Variants in ZNF99 observed in about 807,000 individuals in gnomAD.
ZNF99 encodes zinc finger protein ENSP00000375192.
In ZNF99, 8 loss-of-function variants were observed where a neutral mutation model predicts 12.8. The observed-to-expected ratio is 0.62, with a 90% CI of 0.37 to 1.13. ZNF99 has a LOEUF of 1.13. ZNF99 is among the 50% of genes most tolerant of loss of function. ZNF99 has a pLI of 0.02. For missense variants in ZNF99, 1,007 were observed against 1,006.2 expected (o/e 1.00, Z -0.01); for synonymous variants, 318 against 319.0 (o/e 1.00, Z 0.03).
At chr19:22,763,903 C>CTTTTTTTTTTTTTT (rs1349512561) in intron 3 of ZNF99, among the ~76,000 whole-genome samples, 20 of 126,224 alleles carry the variant, frequency 1.6e-4, no homozygotes, top group South Asian at 2.4e-4. Context: ...TTTTTTCTTT[C>CTTTTTTTTTTTTTT]CTTTTTTTTT....
In ZNF99 at chr19:22,756,214, C is replaced by T; in HGVS notation, c.*1100G>A. The T allele has an allele frequency of 6.4e-7, 1 of 1,564,052 alleles. No homozygotes were observed. The highest frequency in any genetic ancestry group is 8.7e-7 in the Non-Finnish European group (1 of 1,153,510). On this transcript the variant is annotated 3_prime_UTR_variant, in exon 4 of 4. Coordinates refer to ENST00000596209, the MANE Select transcript of ZNF99 (RefSeq NM_001080409.3). The stretch of plus-strand genomic sequence containing the variant: ...CACATTCTTCACATTTTTAGGGCTT[C>T]TCCCCAGTATGAATTATCTTATGTT...
rs927945263 is a variant in ZNF99, at chr19:22,752,212, C to T, written c.*5102G>A. 10 of 151,488 alleles carry T rather than the reference C, an allele frequency of 6.6e-5. No homozygotes were observed. Among genetic ancestry groups the T allele is most frequent in the Non-Finnish European group, 1.2e-4 (8 of 67,956 alleles). The allele number at this position is 151,488 out of a possible 1,614,324, so 9.4% of individuals were successfully genotyped here. ...ATATGTATAGATTTTATTTACATTC[C>T]TATATGATTTTTATTATGACCACAA... On this transcript the variant is annotated 3_prime_UTR_variant, in exon 4 of 4. Transcript: ENST00000596209.
At chr19:22,778,143 C>A (rs1480377083) in intron 1 of ZNF99, among the ~76,000 whole-genome samples, 2 of 145,938 alleles carry the variant, frequency 1.4e-5, no homozygotes, top group Admixed American at 6.8e-5. Flanking sequence ...GCACATGTAT[C>A]CTAGAACTTA....
In ZNF99 at chr19:22,758,124, A is replaced by G. The variant is rs948656982; in HGVS notation, c.1785T>C (p.Cys595=). The change falls in exon 4 of 4, where the codon TGT becomes TGC. Residue 595 remains cysteine, a synonymous_variant. Transcript: ENST00000596209. ...AIHTGEKPYK[C]EECGKAFNHF... Reference sequence around the variant, plus strand: ...GGTTAAAAGCTTTGCCACATTCTTCACATTTGTAGGGTTTCTCCCCAGTAT... The same window carrying G: ...GGTTAAAAGCTTTGCCACATTCTTCGCATTTGTAGGGTTTCTCCCCAGTAT... 9.3e-6 allele frequency: 15 copies of G among 1,611,910 alleles called. No individual in the cohort carries two copies. In the African/African-American group the frequency reaches 1.2e-4, roughly 13 times the overall value.
At chr19:22,779,041 G>GT (rs1334224415) in intron 1 of ZNF99, among the ~76,000 whole-genome samples, 4 of 151,392 alleles carry the variant, frequency 2.6e-5, no homozygotes, top group Admixed American at 1.3e-4. Flanking sequence ...GGTGGGGAAA[G>GT]ATAAAGCATA....
Position 22,758,804 on chromosome 19 carries a change from A to G in ZNF99, c.1105T>C (p.Tyr369His). The change falls in exon 4 of 4, where the codon TAC (tyrosine) becomes CAC (histidine). Residue 369 changes from tyrosine (Y) to histidine (H), a missense_variant. Physicochemically the swap from Tyr to His is moderately conservative, Grantham distance 83. Coordinates refer to ENST00000596209, the MANE Select transcript of ZNF99 (RefSeq NM_001080409.3). ...HEIIHTEEKP[Y>H]KYEECGKAFS... ...GCTTTGCCGCATTCTTCATATTTGTAGGGTTTCTCTTCAGTATGAATTATC... is the reference window on the plus strand; with the variant it reads ...GCTTTGCCGCATTCTTCATATTTGTGGGGTTTCTCTTCAGTATGAATTATC... The G allele has an allele frequency of 2.5e-6, 4 of 1,603,800 alleles. No individual in the cohort carries two copies. The highest frequency in any genetic ancestry group is 1.7e-5 in the Admixed American group (1 of 59,652).
rs1482095420 is a variant in ZNF99, at chr19:22,753,146, G to A, written c.*4168C>T. 1 of 151,848 alleles carries A rather than the reference G, an allele frequency of 6.6e-6. No homozygotes were observed. Among genetic ancestry groups the A allele is most frequent in the Non-Finnish European group, 1.5e-5 (1 of 67,936 alleles). 9.4% of individuals were successfully genotyped at this position (151,848 alleles called of 1,614,324 possible). On this transcript the variant is annotated 3_prime_UTR_variant, in exon 4 of 4. Coordinates refer to ENST00000596209, the MANE Select transcript of ZNF99 (RefSeq NM_001080409.3). ...CATCCTTATTTGCTTTTCAGAGTCT[G>A]TAATTTTTTTCAATATTGTGATGTT...
chr19:22,782,244 T>C (rs1470925245), intron 1 of ZNF99, among the ~76,000 whole-genome samples: 1 of 152,110 alleles, frequency 6.6e-6, no homozygotes, highest in South Asian at 2.1e-4. Flanking sequence ...CTGCTTGAGA[T>C]ACCTGTAAAA....
In ZNF99 at chr19:22,757,529, A is replaced by G; in HGVS notation, c.2380T>C (p.Cys794Arg). The G allele has an allele frequency of 6.2e-7, 1 of 1,610,958 alleles. No individual in the cohort carries two copies. Among genetic ancestry groups the G allele is most frequent in the Non-Finnish European group, 8.5e-7 (1 of 1,179,578 alleles). ...GAGGAATTGTTAAAAGCTTTGCCAC[A>G]TTCTTCACATTTATAGGGTTTCTTT... ...TGKKPYKCEE[C>R]GKAFNNSSTL... Residue 794 changes from cysteine (C) to arginine (R), a missense_variant, in exon 4 of 4, where the codon TGT becomes CGT. Physicochemically the swap from Cys to Arg is radical, Grantham distance 180 (BLOSUM62 -3). Coordinates refer to ENST00000596209, the MANE Select transcript of ZNF99 (RefSeq NM_001080409.3).
chr19:22,774,063 AC>A (rs1187299049), intron 1 of ZNF99: 1 of 153,966 alleles, frequency 6.5e-6, no homozygotes, highest in East Asian at 1.9e-4. Context: ...TTTTACAGAC[AC>A]CAGGGAATAC....
chr19:22,771,401 G>A (rs926939631), intron 1 of ZNF99, among the ~76,000 whole-genome samples: 1 of 151,078 alleles, frequency 6.6e-6, no homozygotes, highest in Non-Finnish European at 1.5e-5. Flanking sequence ...GACTACAGGT[G>A]CCCGCCACCA....
chr19:22,774,736 G>C (rs562459369), intron 1 of ZNF99, among the ~76,000 whole-genome samples: 21 of 152,284 alleles, frequency 1.4e-4, no homozygotes, highest in African/African-American at 5.1e-4. Flanking sequence ...TGGGCATGGT[G>C]GTGGGCGCCT....
Position 22,755,536 on chromosome 19 carries a change from A to C in ZNF99, c.*1778T>G. On this transcript the variant is annotated 3_prime_UTR_variant, in exon 4 of 4. Transcript: ENST00000596209. The stretch of plus-strand genomic sequence containing the variant: ...CTTTGCCACATTCTTCACATTTGTA[A>C]AGTATCTCTCCAGTATGAATTATCT... 1 of 288,490 alleles carries C rather than the reference A, an allele frequency of 3.5e-6. No individual in the cohort carries two copies. Among genetic ancestry groups the C allele is most frequent in the Non-Finnish European group, 7.1e-6 (1 of 140,636 alleles). The allele number at this position is 288,490 out of a possible 1,614,324, so 17.9% of individuals were successfully genotyped here.
At chr19:22,760,473 G>T (rs1369223114) in intron 3 of ZNF99, among the ~76,000 whole-genome samples, 1 of 152,140 alleles carries the variant, frequency 6.6e-6, no homozygotes, top group Non-Finnish European at 1.5e-5. Context: ...GGCCGGGCAC[G>T]GTGGCTCAGG....
rs1195667842 is a variant in ZNF99, at chr19:22,759,300, A to C, written c.609T>G (p.Cys203Trp). Reference protein sequence around the residue: ...RIHTRENIYKCEERGKAFKWF... With the variant: ...RIHTRENIYKWEERGKAFKWF... ...ATTTAAAGGCTTTGCCACGTTCTTC[A>C]CATTTGTAGATATTCTCTCTAGTAT... is the stretch of plus-strand genomic sequence containing the variant. Residue 203 changes from cysteine (C) to tryptophan (W), a missense_variant, in exon 4 of 4, where the codon TGT becomes TGG. By Grantham distance (215) the Cys-to-Trp change is radical. Transcript: ENST00000596209. 1.8e-5 allele frequency: 28 copies of C among 1,549,464 alleles called. No homozygotes were observed. The East Asian group carries it at 2.2e-4, about 12-fold the overall frequency.
In ZNF99 at chr19:22,769,240, T is replaced by C; in HGVS notation, c.88A>G (p.Arg30Gly). The change falls in exon 2 of 4, where the codon AGG (arginine) becomes GGG (glycine). Residue 30 changes from arginine to glycine, a missense_variant. Transcript: ENST00000596209. ...CTGTAGTTCTCTAACATAACATTCC[T>C]ATATAAATTCTGCTGAGCCATGTCC... The part of the protein sequence containing the change: ...CLDMAQQNLY[R>G]NVMLENYRNL... 2 of 1,609,704 alleles carry C rather than the reference T, an allele frequency of 1.2e-6. No homozygotes were observed. The highest frequency in any genetic ancestry group is 1.7e-6 in the Non-Finnish European group (2 of 1,177,536).
At chr19:22,768,241 C>A in intron 3 of ZNF99, 64 bp downstream of exon 3, 1 of 1,547,720 alleles carries the variant, frequency 6.5e-7, no homozygotes, top group Admixed American at 1.7e-5. Flanking sequence ...ATTTTGAGAA[C>A]TGGCTTTCTC....
intron 1 of ZNF99, among the ~76,000 whole-genome samples, chr19:22,782,257 T>C (rs1212510579): frequency 6.6e-6 from 1 of 151,920 alleles, no homozygotes; most frequent in Non-Finnish European, 1.5e-5. Flanking sequence ...CTGTAAAAAA[T>C]GGAGGGGAAA....
chr19:22,764,564 G>A (rs1973184516), intron 3 of ZNF99, among the ~76,000 whole-genome samples: 1 of 151,726 alleles, frequency 6.6e-6, no homozygotes, highest in Non-Finnish European at 1.5e-5. Context: ...CAGAGTAGGA[G>A]AAAATCTTCA....
Sources: allele counts gnomAD v4.1 joint callset (sites outside exome capture counted in the v4.1 genomes callset), GRCh38; gene constraint gnomAD v4.1.1; transcripts MANE v1.5; gene names NCBI Gene and HGNC (gene_info 2026-07-23, HGNC 2026-07-21).